DNAJB6: variants seen among roughly 807,000 people sequenced by gnomAD.
The protein encoded by DNAJB6 is dnaJ homolog subfamily B member 6.
DNAJB6 carries 16 observed loss-of-function variants against 42.7 expected under a neutral mutation model. That is an observed-to-expected ratio of 0.37 (90% CI 0.25 to 0.57). DNAJB6 has a LOEUF of 0.57. Ranked by LOEUF, DNAJB6 falls within the 20% of genes least tolerant of loss-of-function variation. DNAJB6 has a pLI of 0.74. For synonymous variants in DNAJB6, 170 were observed against 163.5 expected (o/e 1.04, Z -0.30); for missense variants, 347 against 416.8 (o/e 0.83, Z 1.46).
intron 2 of DNAJB6, among the ~76,000 whole-genome samples, chr7:157,359,083 A>G (rs368152474): frequency 2.0e-5 from 3 of 152,338 alleles, no homozygotes; most frequent in Admixed American, 1.3e-4. Flanking sequence ...TGGTACCTGC[A>G]TCTGTGTGAC....
intron 8 of DNAJB6, among the ~76,000 whole-genome samples, chr7:157,396,384 A>G (rs1801586590): frequency 6.6e-6 from 1 of 152,240 alleles, no homozygotes; most frequent in Non-Finnish European, 1.5e-5. Flanking sequence ...GGTTCCGTTT[A>G]TAAAGAGTTC....
chr7:157,367,690 GTC>G (rs1799911602), intron 5 of DNAJB6, among the ~76,000 whole-genome samples: 2 of 152,134 alleles, frequency 1.3e-5, no homozygotes, highest in African/African-American at 4.8e-5. Context: ...GAGAAGCCAC[GTC>G]TCTATTAAAA....
intron 5 of DNAJB6, among the ~76,000 whole-genome samples, chr7:157,369,865 C>CATTATTATTAAACAGGCCCCTTCTTA (rs1563128417): frequency 8.8e-5 from 10 of 113,056 alleles, no homozygotes; most frequent in African/African-American, 2.2e-4. Context: ...GCCCCTTCTT[C>CATTATTATTAAACAGGCCCCTTCTTA]ACATTATTAT....
Position 157,384,910 on chromosome 7 carries a change from A to C in DNAJB6, c.522A>C (p.Ser174=). ...CACTAGGTCACGGGGGCCTCACTTC[A>C]TTCTCTTCCACGTCATTTGGTGGTA... ...FGSLGHGGLT[S]FSSTSFGGSG... The change falls in exon 7 of 10, where the codon TCA becomes TCC. Residue 174 remains serine (S), a synonymous_variant. Transcript: ENST00000262177. 6.2e-7 allele frequency: 1 copy of C among 1,613,560 alleles called. No individual in the cohort carries two copies. The highest frequency in any genetic ancestry group is 8.5e-7 in the Non-Finnish European group (1 of 1,179,868).
chr7:157,378,689 C>T lies in DNAJB6; in HGVS notation c.347-3557C>T, dbSNP rs184892752. 4.6e-5 allele frequency: 7 copies of T among 152,254 alleles called. No homozygotes were observed. The East Asian group carries it at 1.3e-3, about 29-fold the overall frequency. 9.4% of individuals were successfully genotyped at this position (152,254 alleles called of 1,614,324 possible). ...TCCACGTTTTGGGATGAGTTGAGTT[C>T]CCTGACGTAGAATTGCTGGGTTGAG... On this transcript the variant is annotated intron_variant, in intron 5 of 9. Coordinates refer to ENST00000262177, the MANE Select transcript of DNAJB6 (RefSeq NM_058246.4).
Position 157,364,953 on chromosome 7 carries a change from T to C in DNAJB6, c.176-1549T>C, listed in dbSNP as rs148653331. Among the ~76,000 whole-genome samples the C allele has an allele frequency of 2.6e-3, 393 of 152,368 alleles. 2 individuals carry two copies. Among genetic ancestry groups the C allele is most frequent in the Middle Eastern group, 0.017 (5 of 294 alleles). On this transcript the variant is annotated intron_variant, in intron 3 of 9. Transcript: ENST00000262177. Reference sequence around the variant, plus strand: ...CATTTTGTGGAATGTGAGATTTTCTTCTACTTTTTAAAAATTGAGAAGGGG... The same window carrying C: ...CATTTTGTGGAATGTGAGATTTTCTCCTACTTTTTAAAAATTGAGAAGGGG...
At chr7:157,364,849 A>G (rs1799768541) in intron 3 of DNAJB6, among the ~76,000 whole-genome samples, 1 of 152,220 alleles carries the variant, frequency 6.6e-6, no homozygotes, top group Non-Finnish European at 1.5e-5. Flanking sequence ...AGTTGTCTTC[A>G]AAACATGGTC....
chr7:157,363,193 A>G lies in DNAJB6; in HGVS notation c.98A>G (p.Asp33Gly). The change falls in exon 3 of 10, where the codon GAT becomes GGT. Residue 33 changes from aspartate to glycine, a missense_variant. By Grantham distance (94) the Asp-to-Gly change is moderately conservative. This residue lies in a region of DNAJB6 where 78 missense variants were observed against 102.1 expected (regional missense o/e 0.76). Coordinates refer to ENST00000262177, the MANE Select transcript of DNAJB6 (RefSeq NM_058246.4). ...AAACTGGCACTGAAGTGGCATCCAG[A>G]TAAAAATCCTGAGAATAAAGAAGAA... is the stretch of plus-strand genomic sequence containing the variant. ...YRKLALKWHPDKNPENKEEAE... is the reference protein window; with the variant it reads ...YRKLALKWHPGKNPENKEEAE... 1 of 1,611,150 alleles carries G rather than the reference A, an allele frequency of 6.2e-7. No individual in the cohort carries two copies. Among genetic ancestry groups the G allele is most frequent in the Non-Finnish European group, 8.5e-7 (1 of 1,178,736 alleles).
intron 5 of DNAJB6, among the ~76,000 whole-genome samples, chr7:157,369,630 A>AC (rs1181722543): frequency 1.3e-5 from 2 of 150,850 alleles, no homozygotes; most frequent in African/African-American, 5.0e-5. Flanking sequence ...TTGTTATTAA[A>AC]GAGGCCCTTT....
At chr7:157,374,236 G>C (rs530157289) in intron 5 of DNAJB6, among the ~76,000 whole-genome samples, 1 of 152,208 alleles carries the variant, frequency 6.6e-6, no homozygotes, top group East Asian at 1.9e-4. Context: ...AGAACTCCTC[G>C]TGTTGAGATG....
chr7:157,393,330 T>A (rs1030247530), intron 8 of DNAJB6, among the ~76,000 whole-genome samples: 1 of 152,204 alleles, frequency 6.6e-6, no homozygotes, highest in Middle Eastern at 3.2e-3. Context: ...ATTGGAAAAC[T>A]CTATAAATTT....
chr7:157,342,903 A>C (rs531773541), intron 1 of DNAJB6, among the ~76,000 whole-genome samples: 144 of 151,542 alleles, frequency 9.5e-4, no homozygotes, highest in African/African-American at 3.3e-3. Context: ...GGATAATGAA[A>C]TAAGTAGGTG....
At chr7:157,355,981 T>C (rs921520806) in intron 1 of DNAJB6, among the ~76,000 whole-genome samples, 6 of 152,220 alleles carry the variant, frequency 3.9e-5, no homozygotes, top group African/African-American at 1.4e-4. Flanking sequence ...CTTCCTCCCA[T>C]TCCCACCACC....
At chr7:157,355,747 G>A (rs1452744830) in intron 1 of DNAJB6, among the ~76,000 whole-genome samples, 2 of 152,140 alleles carry the variant, frequency 1.3e-5, no homozygotes, top group Non-Finnish European at 2.9e-5. Context: ...CTGCCTTTAT[G>A]CTTTCCTTGT....
At chr7:157,354,675 C>A (rs1051054974) in intron 1 of DNAJB6, among the ~76,000 whole-genome samples, 2 of 152,012 alleles carry the variant, frequency 1.3e-5, no homozygotes, top group Non-Finnish European at 2.9e-5. Flanking sequence ...TCTCTGAGAG[C>A]ACAGGGCAGG....
intron 5 of DNAJB6, chr7:157,380,311 T>G (rs1350617683): frequency 6.6e-6 from 1 of 152,230 alleles, no homozygotes; most frequent in Non-Finnish European, 1.5e-5. Context: ...TGCTTGGATT[T>G]TTATTTGAAT....
intron 1 of DNAJB6, among the ~76,000 whole-genome samples, chr7:157,351,425 C>T (rs541116755): frequency 7.3e-5 from 11 of 151,612 alleles, no homozygotes; most frequent in South Asian, 4.2e-4. Flanking sequence ...GTCAGGAGAT[C>T]GAGACCATCC....
At chr7:157,375,346 C>T (rs189836357) in intron 5 of DNAJB6, among the ~76,000 whole-genome samples, 35 of 152,282 alleles carry the variant, frequency 2.3e-4, no homozygotes, top group Admixed American at 3.9e-4. Context: ...GCCAGAGTTC[C>T]TCATCTCATG....
At chr7:157,369,638 T>TTTCTTCACATTATTATTAAACAGGCCCC (rs1389087776) in intron 5 of DNAJB6, among the ~76,000 whole-genome samples, 1 of 132,254 alleles carries the variant, frequency 7.6e-6, no homozygotes, top group African/African-American at 3.6e-5. Flanking sequence ...AAAGAGGCCC[T>TTTCTTCACATTATTATTAAACAGGCCCC]TTCTTCACAT....
Sources: gnomAD v4.1 joint callset for allele counts (sites outside exome capture counted in the v4.1 genomes callset) on GRCh38, gnomAD v4.1.1 for gene constraint, gnomAD v4.1.1 regional missense constraint, MANE v1.5 for transcripts, NCBI Gene and HGNC (gene_info 2026-07-23, HGNC 2026-07-21) for gene names.